The following TSHZ2 variants were observed in gnomAD, a reference collection of about 807,000 sequenced individuals.
The protein encoded by TSHZ2 is teashirt homolog 2.
In TSHZ2, 21 loss-of-function variants were observed where a neutral mutation model predicts 74.4. The observed-to-expected ratio is 0.28, with a 90% CI of 0.20 to 0.41. The LOEUF (loss-of-function observed/expected upper bound fraction) is 0.41, where lower values mean the gene tolerates loss of function less well. Ranked by LOEUF, TSHZ2 falls within the 10% of genes least tolerant of loss-of-function variation. The pLI is 1.00. For missense variants in TSHZ2, 1,244 were observed against 1,293.5 expected (o/e 0.96, Z 0.59); for synonymous variants, 540 against 515.3 (o/e 1.05, Z -0.65).
intron 1 of TSHZ2, among the ~76,000 whole-genome samples, chr20:53,050,289 G>A (rs1014180502): frequency 4.0e-5 from 6 of 151,420 alleles, no homozygotes; most frequent in East Asian, 1.9e-4. Context: ...TACCGCTGCC[G>A]ATTTACTCTC....
At chr20:53,363,487 C>T (rs1412513398) in intron 2 of TSHZ2, among the ~76,000 whole-genome samples, 1 of 152,194 alleles carries the variant, frequency 6.6e-6, no homozygotes, top group Non-Finnish European at 1.5e-5. Flanking sequence ...CCCTTCAGGA[C>T]TGAGATCTCC....
chr20:53,007,738 G>A (rs1020346486), intron 1 of TSHZ2, among the ~76,000 whole-genome samples: 9 of 49,580 alleles, frequency 1.8e-4, no homozygotes, highest in African/African-American at 7.3e-4. Context: ...ATGTATATTC[G>A]TGTGTGTGTG....
intron 2 of TSHZ2, among the ~76,000 whole-genome samples, chr20:53,289,940 A>G (rs181307467): frequency 2.4e-4 from 36 of 152,380 alleles, no homozygotes; most frequent in Non-Finnish European, 4.3e-4. Context: ...TATTATTTCA[A>G]TGATAACTTT....
chr20:53,473,396 C>G lies in TSHZ2; in HGVS notation c.*9-13748C>G, dbSNP rs1322681777. ...TGGCAGGCACCCCCCAGCAGGGGCA[C>G]ACTGACACCTCACACGGCAGGGTAT... On this transcript the variant is annotated intron_variant, in intron 2 of 2. Coordinates refer to ENST00000371497, the MANE Select transcript of TSHZ2 (RefSeq NM_173485.6). 2.1e-5 allele frequency among the ~76,000 whole-genome samples: 3 copies of G among 142,002 alleles called. No homozygotes were observed. In the East Asian group the frequency reaches 6.6e-4, roughly 31 times the overall value. 93.2% of individuals were successfully genotyped at this position (142,002 alleles called of 152,430 possible).
At chr20:53,322,171 A>G (rs759417037) in intron 2 of TSHZ2, among the ~76,000 whole-genome samples, 39 of 152,316 alleles carry the variant, frequency 2.6e-4, no homozygotes, top group Admixed American at 8.5e-4. Flanking sequence ...TTTATTCGAG[A>G]TCAGAAATAA....
intron 2 of TSHZ2, among the ~76,000 whole-genome samples, chr20:53,486,396 T>A (rs1173115956): frequency 6.6e-6 from 1 of 152,180 alleles, no homozygotes; most frequent in African/African-American, 2.4e-5. Flanking sequence ...TAAAAATATT[T>A]TTTTTCTTAA....
intron 1 of TSHZ2, among the ~76,000 whole-genome samples, chr20:53,189,696 C>A (rs1032850031): frequency 6.6e-5 from 10 of 152,006 alleles, no homozygotes; most frequent in Non-Finnish European, 1.3e-4. Flanking sequence ...CCCTGGTATG[C>A]AATGTAAAGC....
chr20:53,295,431 T>TGCGC (rs10635454), intron 2 of TSHZ2, among the ~76,000 whole-genome samples: 1 of 151,912 alleles, frequency 6.6e-6, no homozygotes, highest in Non-Finnish European at 1.5e-5. Context: ...TGTGTGTGTG[T>TGCGC]GCACGTGTAT....
chr20:53,323,742 ATT>A lies in TSHZ2; in HGVS notation c.*8+67177_*8+67178del, dbSNP rs544921257. On this transcript the variant is annotated intron_variant, in intron 2 of 2. Transcript: ENST00000371497. ...AGGCGCACACCACCACACCCAGCTA[ATT>A]TTTTTGTCTTTTTAGTAGAGACAGG... is the stretch of plus-strand genomic sequence containing the variant. 3.2e-3 allele frequency among the ~76,000 whole-genome samples: 482 copies of A among 151,488 alleles called. 4 individuals carry two copies. Among genetic ancestry groups the A allele is most frequent in the African/African-American group, 0.011 (466 of 41,276 alleles).
intron 1 of TSHZ2, among the ~76,000 whole-genome samples, chr20:53,061,737 C>A (rs141185591): frequency 3.9e-5 from 6 of 152,268 alleles, no homozygotes; most frequent in African/African-American, 1.4e-4. Context: ...AGATGTTATC[C>A]AAATGGCTTG....
At chr20:53,013,401 T>C (rs1007624516) in intron 1 of TSHZ2, among the ~76,000 whole-genome samples, 1 of 152,048 alleles carries the variant, frequency 6.6e-6, no homozygotes, top group Non-Finnish European at 1.5e-5. Flanking sequence ...AAAGAGGAAA[T>C]ACATAGAGAC....
rs757773984 is a variant in TSHZ2, at chr20:53,495,124, T to C, written c.*7989T>C. ...CAACGTCGACTTCTGCTTTGGCCAA[T>C]TGAAAAATGAAAATTAAAGGAGAGA... On this transcript the variant is annotated 3_prime_UTR_variant, in exon 3 of 3. Transcript: ENST00000371497. The C allele has an allele frequency of 2.0e-5, 3 of 151,960 alleles. No individual in the cohort carries two copies. The highest frequency in any genetic ancestry group is 2.4e-5 in the African/African-American group (1 of 41,376). The allele number at this position is 151,960 out of a possible 1,614,324, so 9.4% of individuals were successfully genotyped here.
intron 2 of TSHZ2, among the ~76,000 whole-genome samples, chr20:53,385,177 G>C (rs916642235): frequency 7.2e-5 from 11 of 152,094 alleles, no homozygotes; most frequent in African/African-American, 2.7e-4. Flanking sequence ...AGTCAACCCA[G>C]ATCTAGATAT....
chr20:53,243,067 T>G (rs1990109858), intron 1 of TSHZ2, among the ~76,000 whole-genome samples: 1 of 151,152 alleles, frequency 6.6e-6, no homozygotes. Context: ...TTCGGAGGAG[T>G]AAGTGGGGGA....
intron 2 of TSHZ2, among the ~76,000 whole-genome samples, chr20:53,353,015 T>G (rs1300871823): frequency 6.6e-6 from 1 of 152,196 alleles, no homozygotes; most frequent in Non-Finnish European, 1.5e-5. Flanking sequence ...CAAGTTCCTT[T>G]TTTCTCATGT....
chr20:53,461,310 C>A (rs150729704), intron 2 of TSHZ2, among the ~76,000 whole-genome samples: 150 of 152,338 alleles, frequency 9.8e-4, no homozygotes, highest in African/African-American at 3.5e-3. Flanking sequence ...TTTCCAGGTG[C>A]GTCCGTCACC....
rs780706965 is a variant in TSHZ2, at chr20:53,483,105, T to C, written c.*9-4039T>C. Among the ~76,000 whole-genome samples the C allele has an allele frequency of 3.3e-5, 5 of 152,060 alleles. No homozygotes were observed. In the East Asian group the frequency reaches 7.7e-4, roughly 24 times the overall value. The stretch of plus-strand genomic sequence containing the variant: ...GAAATACTCCCATAGCTAAGTTTTA[T>C]AAAAGACATAGTTATCTGAAATTTT... On this transcript the variant is annotated intron_variant, in intron 2 of 2. Transcript: ENST00000371497.
intron 1 of TSHZ2, among the ~76,000 whole-genome samples, chr20:53,161,140 A>AAAAAAAAAAAAC (rs1987927010): frequency 6.6e-6 from 1 of 150,598 alleles, no homozygotes. Flanking sequence ...CAAAAAAAAA[A>AAAAAAAAAAAAC]AAAAAAAAAA....
intron 1 of TSHZ2, among the ~76,000 whole-genome samples, chr20:53,005,129 C>T (rs184586215): frequency 4.6e-5 from 7 of 151,672 alleles, no homozygotes; most frequent in African/African-American, 1.2e-4. Flanking sequence ...CTGGGCAACA[C>T]GGTGAAACCC....
Sources: gnomAD v4.1 joint callset for allele counts (sites outside exome capture counted in the v4.1 genomes callset) on GRCh38, gnomAD v4.1.1 for gene constraint, MANE v1.5 for transcripts, NCBI Gene and HGNC (gene_info 2026-07-23, HGNC 2026-07-21) for gene names.